The following MTUS2 variants were observed in gnomAD, a reference collection of about 807,000 sequenced individuals.
The protein encoded by MTUS2 is microtubule-associated tumor suppressor candidate 2.
A neutral mutation model predicts 114.1 loss-of-function variants in MTUS2; 40 were observed. That is an observed-to-expected ratio of 0.35 (90% CI 0.27 to 0.46). The LOEUF is 0.46. Ranked by LOEUF, MTUS2 falls within the 20% of genes least tolerant of loss-of-function variation. MTUS2 has a pLI of 1.00. For synonymous variants in MTUS2, 688 were observed against 672.0 expected, an observed-to-expected ratio of 1.02 and a Z score of -0.37; for missense variants, 1,679 against 1,705.4, an observed-to-expected ratio of 0.98 and a Z score of 0.27.
chr13:29,037,954 A>G (rs1022775802), intron 4 of MTUS2, among the ~76,000 whole-genome samples: 1 of 152,210 alleles, frequency 6.6e-6, no homozygotes, highest in Non-Finnish European at 1.5e-5. Flanking sequence ...ATTGGGTTAG[A>G]ACATGCTCCT....
At chr13:28,962,118 T>A (rs1264920078) in intron 2 of MTUS2, among the ~76,000 whole-genome samples, 3 of 151,636 alleles carry the variant, frequency 2.0e-5, no homozygotes, top group African/African-American at 7.2e-5. Flanking sequence ...TTTAAAAATA[T>A]CTGAAAAATA....
rs1291671848 is a variant in MTUS2, at chr13:29,504,890, G to C, written c.*1684G>C. On this transcript the variant is annotated 3_prime_UTR_variant, in exon 16 of 16. Transcript: ENST00000612955. ...CGGGGAAGAAAACAGCCCGCGGACG[G>C]GGTCGGCTTGTCCAGGGCACGCCTG... The C allele has an allele frequency of 4.3e-6, 1 of 232,480 alleles. No homozygotes were observed. The highest frequency in any genetic ancestry group is 8.5e-6 in the Non-Finnish European group (1 of 117,682). 14.4% of individuals were successfully genotyped at this position (232,480 alleles called of 1,614,324 possible). A position where few individuals can be genotyped will look rare whatever the true frequency, so the allele number is the denominator to read the frequency against.
At chr13:29,437,869 G>A (rs1877529277) in intron 8 of MTUS2, among the ~76,000 whole-genome samples, 1 of 151,758 alleles carries the variant, frequency 6.6e-6, no homozygotes, top group African/African-American at 2.4e-5. Context: ...GATACATTGA[G>A]CCTGGGAGGT....
chr13:29,491,542 G>T (rs142650534), intron 11 of MTUS2, among the ~76,000 whole-genome samples: 333 of 130,942 alleles, frequency 2.5e-3, no homozygotes, highest in African/African-American at 8.9e-3. Context: ...TATGTGTGGG[G>T]GTGTGTGTGT....
chr13:28,939,129 C>T (rs766038793), intron 2 of MTUS2, among the ~76,000 whole-genome samples: 5 of 152,172 alleles, frequency 3.3e-5, no homozygotes, highest in Non-Finnish European at 5.9e-5. Flanking sequence ...TACAATGTTT[C>T]GCTTTTTACA....
chr13:29,103,132 T>G (rs1162712021), intron 5 of MTUS2, among the ~76,000 whole-genome samples: 1 of 152,172 alleles, frequency 6.6e-6, no homozygotes, highest in Admixed American at 6.5e-5. Flanking sequence ...AATACTGCTG[T>G]AATTAGGGAT....
chr13:29,480,401 T>C lies in MTUS2; in HGVS notation c.3399+37T>C. ...GTGCGGCTCGAGCTCTGCTGTTGGG[T>C]GATGCAGGTGGCGGGCGGCGGGGAT... On this transcript the variant is annotated intron_variant, in intron 10 of 15. Transcript: ENST00000612955. The surrounding 1 kb of genome is among the most constrained non-coding windows in gnomAD (Gnocchi z 4.4). The C allele has an allele frequency of 6.8e-7, 1 of 1,471,054 alleles. No homozygotes were observed. Among genetic ancestry groups the C allele is most frequent in the Non-Finnish European group, 9.0e-7 (1 of 1,108,088 alleles). The allele number at this position is 1,471,054 out of a possible 1,614,324, so 91.1% of individuals were successfully genotyped here. A position where few individuals can be genotyped will look rare whatever the true frequency, so the allele number is the denominator to read the frequency against.
intron 4 of MTUS2, among the ~76,000 whole-genome samples, chr13:29,062,497 C>T (rs191830621): frequency 6.6e-6 from 1 of 152,260 alleles, no homozygotes; most frequent in East Asian, 1.9e-4. Context: ...ACAGAAACAG[C>T]CCGTGATGCT....
intron 9 of MTUS2, among the ~76,000 whole-genome samples, chr13:29,453,897 C>T (rs570992917): frequency 3.3e-5 from 5 of 151,964 alleles, no homozygotes; most frequent in African/African-American, 1.2e-4. Flanking sequence ...TTTTTTGTGT[C>T]ATGTCTAAGC....
intron 9 of MTUS2, among the ~76,000 whole-genome samples, chr13:29,473,546 G>A (rs983312110): frequency 2.0e-5 from 3 of 152,192 alleles, no homozygotes; most frequent in Middle Eastern, 3.4e-3. Context: ...CTAAGAAGTT[G>A]GTAGATTGAT....
chr13:29,093,739 C>A (rs1890061063), intron 4 of MTUS2, among the ~76,000 whole-genome samples: 1 of 152,044 alleles, frequency 6.6e-6, no homozygotes, highest in Admixed American at 6.5e-5. Context: ...CTGTACATTT[C>A]TTATTTTATT....
chr13:29,325,549 GGAA>G (rs199777136), intron 7 of MTUS2, among the ~76,000 whole-genome samples: 27,013 of 89,414 alleles, frequency 0.3, 2,638 homozygotes, highest in Non-Finnish European at 0.38. Flanking sequence ...AAAAGAAGAA[GGAA>G]GAAGAGGAAG....
chr13:29,311,824 G>A (rs1432660901), intron 6 of MTUS2, among the ~76,000 whole-genome samples: 6 of 152,178 alleles, frequency 3.9e-5, no homozygotes, highest in Admixed American at 6.5e-5. Flanking sequence ...CTAATCAAAG[G>A]TAGTCTTATT....
chr13:29,113,567 G>A (rs916490369), intron 5 of MTUS2, among the ~76,000 whole-genome samples: 6 of 152,192 alleles, frequency 3.9e-5, no homozygotes, highest in African/African-American at 1.2e-4. Flanking sequence ...TAACTGAGGA[G>A]CTGAGTTCTA....
At chr13:29,388,038 G>T in intron 8 of MTUS2, among the ~76,000 whole-genome samples, 1 of 152,020 alleles carries the variant, frequency 6.6e-6, no homozygotes, top group African/African-American at 2.4e-5. Flanking sequence ...CCTGTTTACC[G>T]CACACCTATG....
chr13:29,227,272 A>AAAG, intron 5 of MTUS2, among the ~76,000 whole-genome samples: 1 of 151,556 alleles, frequency 6.6e-6, no homozygotes, highest in Non-Finnish European at 1.5e-5. Flanking sequence ...AAAAAAAAAA[A>AAAG]AAAAGAAACT....
chr13:28,994,709 G>A (rs1173463934), intron 2 of MTUS2, among the ~76,000 whole-genome samples: 2 of 152,174 alleles, frequency 1.3e-5, no homozygotes, highest in Non-Finnish European at 2.9e-5. Flanking sequence ...CTTTTGAGAA[G>A]TGTCTGTTCA....
At chr13:28,823,150 TTA>T (rs1874023376) in intron 1 of MTUS2, among the ~76,000 whole-genome samples, 1 of 152,242 alleles carries the variant, frequency 6.6e-6, no homozygotes, top group Non-Finnish European at 1.5e-5. Context: ...TAATAAAATG[TTA>T]ATAGGAACAG....
chr13:29,458,594 A>G (rs1185330622), intron 9 of MTUS2, among the ~76,000 whole-genome samples: 2 of 152,078 alleles, frequency 1.3e-5, no homozygotes, highest in Non-Finnish European at 2.9e-5. Context: ...CTACCCCTAC[A>G]GCTTTAACTA....
Sources: gnomAD v4.1 joint callset for allele counts (sites outside exome capture counted in the v4.1 genomes callset) on GRCh38, gnomAD v4.1.1 for gene constraint, Gnocchi (gnomAD v3.1) non-coding constraint, MANE v1.5 for transcripts, NCBI Gene and HGNC (gene_info 2026-07-23, HGNC 2026-07-21) for gene names.